Variants in COL21A1 observed in about 807,000 individuals in gnomAD.
The protein encoded by COL21A1 is collagen alpha-1(XXI) chain.
A neutral mutation model predicts 137.9 loss-of-function variants in COL21A1; 149 were observed. That is an observed-to-expected ratio of 1.08 (90% confidence interval 0.95 to 1.24). The LOEUF (loss-of-function observed/expected upper bound fraction) is 1.24. Ranked by LOEUF, COL21A1 falls within the 50% of genes most tolerant of loss-of-function variation. COL21A1 has a pLI of 0.00. For missense variants in COL21A1, 1,167 were observed against 1,158.4 expected (o/e 1.01, Z -0.11); for synonymous variants, 456 against 391.5 (o/e 1.16, Z -1.95).
chr6:56,166,113 T>C (rs1310493104), intron 7 of COL21A1, among the ~76,000 whole-genome samples: 1 of 152,008 alleles, frequency 6.6e-6, no homozygotes, highest in East Asian at 1.9e-4. Context: ...ACTGACACTT[T>C]GAGAAAAAGT....
chr6:56,208,326 G>A (rs1190471995), intron 1 of COL21A1, among the ~76,000 whole-genome samples: 73 of 152,160 alleles, frequency 4.8e-4, no homozygotes, highest in Non-Finnish European at 1.0e-4. Context: ...AACTTCAACA[G>A]TCTCAGGATA....
rs567270133 is a variant in COL21A1, at chr6:56,139,460, C to A, written c.1542+2325G>T. ...CTGTAACTGCTTTAAGCCCCCAAATCTCACACACATGCACACTTGTGCACA... is the reference window on the plus strand; with the variant it reads ...CTGTAACTGCTTTAAGCCCCCAAATATCACACACATGCACACTTGTGCACA... On this transcript the variant is annotated intron_variant, in intron 12 of 29. Coordinates refer to ENST00000244728, the MANE Select transcript of COL21A1 (RefSeq NM_030820.4). 1.3e-4 allele frequency among the ~76,000 whole-genome samples: 19 copies of A among 150,806 alleles called. No individual in the cohort carries two copies. The South Asian group carries it at 3.8e-3, about 30-fold the overall frequency.
chr6:56,059,264 A>T, intron 28 of COL21A1, 22 bp from the exon 29 acceptor site: 1 of 1,543,274 alleles, frequency 6.5e-7, no homozygotes, highest in Non-Finnish European at 8.8e-7. Context: ...CAAACATCTG[A>T]GTAAGTTTAC....
chr6:56,136,055 A>C (rs1277408617), intron 12 of COL21A1, among the ~76,000 whole-genome samples: 1 of 152,206 alleles, frequency 6.6e-6, no homozygotes, highest in Non-Finnish European at 1.5e-5. Flanking sequence ...CTGTTAAAAT[A>C]CATGTGGTTT....
chr6:56,153,080 G>A (rs1775445303), intron 10 of COL21A1, among the ~76,000 whole-genome samples: 2 of 152,184 alleles, frequency 1.3e-5, no homozygotes, highest in South Asian at 4.1e-4. Context: ...TTAAGTAAAA[G>A]TGAGAAAGGA....
chr6:56,068,225 T>C (rs553784710), intron 22 of COL21A1, among the ~76,000 whole-genome samples: 1 of 151,676 alleles, frequency 6.6e-6, no homozygotes, highest in East Asian at 1.9e-4. Flanking sequence ...CTAGGCACCA[T>C]GTAGACAACA....
intron 1 of COL21A1, among the ~76,000 whole-genome samples, chr6:56,261,896 G>A (rs1763286018): frequency 6.6e-6 from 1 of 152,142 alleles, no homozygotes; most frequent in African/African-American, 2.4e-5. Context: ...TGCATCAGTG[G>A]AAGAATATGG....
intron 1 of COL21A1, among the ~76,000 whole-genome samples, chr6:56,345,408 T>G (rs1247392654): frequency 6.6e-6 from 1 of 152,212 alleles, no homozygotes; most frequent in Non-Finnish European, 1.5e-5. Flanking sequence ...ATATTCATAG[T>G]ACTATCTGTA....
chr6:56,239,566 A>AT (rs1329641051), intron 1 of COL21A1, among the ~76,000 whole-genome samples: 4 of 152,002 alleles, frequency 2.6e-5, no homozygotes, highest in African/African-American at 9.7e-5. Context: ...CAAATTTAAA[A>AT]TTTTTTTTCA....
At chr6:56,172,069 G>GAA (rs58176470) in intron 3 of COL21A1, among the ~76,000 whole-genome samples, 10,740 of 142,184 alleles carry the variant, frequency 0.076, 456 homozygotes, top group Middle Eastern at 0.13. Flanking sequence ...GCGAGTTCCA[G>GAA]AAAAAAAAAA....
chr6:56,093,424 C>A (rs1769040834), intron 17 of COL21A1, among the ~76,000 whole-genome samples: 1 of 152,170 alleles, frequency 6.6e-6, no homozygotes, highest in Admixed American at 6.5e-5. Context: ...CCCTTTCCAT[C>A]TGTGAACCTA....
At chr6:56,375,920 G>A (rs2093998332) in intron 1 of COL21A1, among the ~76,000 whole-genome samples, 1 of 152,164 alleles carries the variant, frequency 6.6e-6, no homozygotes, top group Non-Finnish European at 1.5e-5. Context: ...CATAGCTGGA[G>A]GGTTCACTTT....
At chr6:56,152,516 T>C (rs930432857) in intron 10 of COL21A1, among the ~76,000 whole-genome samples, 34 of 152,216 alleles carry the variant, frequency 2.2e-4, no homozygotes, top group African/African-American at 7.7e-4. Context: ...GTTATCTATA[T>C]ATAAAATCAT....
chr6:56,170,448 C>T (rs1488243316), intron 5 of COL21A1, among the ~76,000 whole-genome samples: 1 of 151,860 alleles, frequency 6.6e-6, no homozygotes, highest in Non-Finnish European at 1.5e-5. Flanking sequence ...TGTCAGTTCC[C>T]CCTCAGCATT....
At chr6:56,261,454 G>C (rs1370025524) in intron 1 of COL21A1, among the ~76,000 whole-genome samples, 1 of 152,134 alleles carries the variant, frequency 6.6e-6, no homozygotes, top group Non-Finnish European at 1.5e-5. Flanking sequence ...CGTAAGGGCA[G>C]AGCCCTCATG....
intron 1 of COL21A1, among the ~76,000 whole-genome samples, chr6:56,346,678 T>C (rs779301070): frequency 1.4e-4 from 22 of 152,156 alleles, no homozygotes; most frequent in Admixed American, 5.9e-4. Flanking sequence ...TTCAGTATGG[T>C]GTAAAACAGT....
intron 1 of COL21A1, among the ~76,000 whole-genome samples, chr6:56,258,609 G>A (rs1265899125): frequency 1.3e-5 from 2 of 152,084 alleles, no homozygotes; most frequent in East Asian, 3.9e-4. Context: ...CCACACACAT[G>A]CACTCTATTT....
chr6:56,075,663 C>T (rs561583036), intron 18 of COL21A1, 131 bp from the exon 19 acceptor site: 38 of 635,388 alleles, frequency 6.0e-5, no homozygotes, highest in Middle Eastern at 8.9e-4. Context: ...TTCTCTTCCA[C>T]TACAGTAAGG....
chr6:56,277,791 G>A (rs1229483133), intron 1 of COL21A1, among the ~76,000 whole-genome samples: 1 of 152,134 alleles, frequency 6.6e-6, no homozygotes, highest in Non-Finnish European at 1.5e-5. Context: ...CCATAAAAAT[G>A]TTAGTAATAG....
Sources: gnomAD v4.1 joint callset for allele counts (sites outside exome capture counted in the v4.1 genomes callset) on GRCh38, gnomAD v4.1.1 for gene constraint, MANE v1.5 for transcripts, NCBI Gene and HGNC (gene_info 2026-07-23, HGNC 2026-07-21) for gene names.